AUTS2: variants seen among roughly 807,000 people sequenced by gnomAD.
AUTS2 encodes the protein activator of transcription and developmental regulator AUTS2.
A neutral mutation model predicts 112.4 loss-of-function variants in AUTS2; 17 were observed. That is an observed-to-expected ratio of 0.15 (90% CI 0.10 to 0.23). The LOEUF (loss-of-function observed/expected upper bound fraction) is 0.23. Ranked by LOEUF, AUTS2 falls within the 10% of genes least tolerant of loss-of-function variation. AUTS2 has a pLI of 1.00. For missense variants in AUTS2, 1,510 were observed against 1,701.6 expected, an observed-to-expected ratio of 0.89 and a Z score of 1.98; for synonymous variants, 751 against 702.7, an observed-to-expected ratio of 1.07 and a Z score of -1.09.
intron 5 of AUTS2, among the ~76,000 whole-genome samples, chr7:70,678,398 T>C: frequency 6.6e-6 from 1 of 152,192 alleles, no homozygotes. Flanking sequence ...CTTCCAAATA[T>C]TGCCTTGCCC....
intron 4 of AUTS2, among the ~76,000 whole-genome samples, chr7:70,363,568 T>C (rs2129627787): frequency 6.6e-6 from 1 of 152,090 alleles, no homozygotes; most frequent in South Asian, 2.1e-4. Context: ...TAAATTAAGA[T>C]ATTTATGCAG....
chr7:70,323,217 T>G (rs1161604188), intron 4 of AUTS2, among the ~76,000 whole-genome samples: 1 of 152,210 alleles, frequency 6.6e-6, no homozygotes, highest in Non-Finnish European at 1.5e-5. Context: ...CAGTTAGCAT[T>G]CGCTCAAAAC....
At chr7:70,111,143 T>C (rs1294119099) in intron 2 of AUTS2, among the ~76,000 whole-genome samples, 1 of 152,020 alleles carries the variant, frequency 6.6e-6, no homozygotes, top group African/African-American at 2.4e-5. Context: ...CCTCCCAAAG[T>C]ACTGGGATTA....
intron 2 of AUTS2, among the ~76,000 whole-genome samples, chr7:69,921,304 T>G (rs542072083): frequency 6.6e-6 from 1 of 151,256 alleles, no homozygotes; most frequent in African/African-American, 2.4e-5. Flanking sequence ...GTATGTCTTC[T>G]GGTTTTAGTA....
intron 1 of AUTS2, among the ~76,000 whole-genome samples, chr7:69,826,590 G>C (rs1791257071): frequency 6.6e-6 from 1 of 152,162 alleles, no homozygotes; most frequent in Non-Finnish European, 1.5e-5. Flanking sequence ...TGCCTCTGTA[G>C]AGCACAGTTG....
chr7:70,519,805 C>G (rs950115607), intron 5 of AUTS2, among the ~76,000 whole-genome samples: 2 of 152,120 alleles, frequency 1.3e-5, no homozygotes, highest in African/African-American at 4.8e-5. Flanking sequence ...TTAATATGAG[C>G]AGCTTCTACT....
intron 1 of AUTS2, among the ~76,000 whole-genome samples, chr7:69,695,757 C>T (rs1311334332): frequency 6.6e-6 from 1 of 152,088 alleles, no homozygotes; most frequent in Non-Finnish European, 1.5e-5. Context: ...CCTCCCACAA[C>T]TGCAGGAATA....
chr7:70,053,544 G>GTTCTTTTTTTTTTTTT, intron 2 of AUTS2, among the ~76,000 whole-genome samples: 1 of 127,848 alleles, frequency 7.8e-6, no homozygotes, highest in Non-Finnish European at 1.6e-5. Context: ...GTTTTGGGTG[G>GTTCTTTTTTTTTTTTT]TTTTTTTTTT....
intron 5 of AUTS2, among the ~76,000 whole-genome samples, chr7:70,447,748 C>T (rs1290649713): frequency 1.3e-5 from 2 of 152,192 alleles, no homozygotes; most frequent in Non-Finnish European, 2.9e-5. Context: ...AGTATTTTAT[C>T]ACTTTCTGTT....
At chr7:70,573,654 G>C (rs1585318914) in intron 5 of AUTS2, among the ~76,000 whole-genome samples, 1 of 152,166 alleles carries the variant, frequency 6.6e-6, no homozygotes, top group South Asian at 2.1e-4. Flanking sequence ...TTCATATTGG[G>C]ATAATCATTT....
chr7:70,299,134 A>C (rs1448594399), intron 4 of AUTS2, among the ~76,000 whole-genome samples: 1 of 152,226 alleles, frequency 6.6e-6, no homozygotes, highest in African/African-American at 2.4e-5. Context: ...TCTTTTCCAA[A>C]TAAAGATTGC....
At chr7:70,132,262 A>C (rs1042873490) in intron 3 of AUTS2, among the ~76,000 whole-genome samples, 1 of 151,922 alleles carries the variant, frequency 6.6e-6, no homozygotes, top group Non-Finnish European at 1.5e-5. Flanking sequence ...ATGCTGAAAC[A>C]AATTCCAGTG....
At chr7:70,723,201 C>T (rs905314911) in intron 6 of AUTS2, among the ~76,000 whole-genome samples, 3 of 152,306 alleles carry the variant, frequency 2.0e-5, no homozygotes, top group South Asian at 4.1e-4. Flanking sequence ...TCTTAGTTTA[C>T]ACACATGTTC....
intron 1 of AUTS2, among the ~76,000 whole-genome samples, chr7:69,687,253 G>A (rs1237014664): frequency 6.6e-6 from 1 of 152,196 alleles, no homozygotes; most frequent in Non-Finnish European, 1.5e-5. Context: ...TATTTAAAAA[G>A]CAGGAATAGC....
chr7:70,044,552 G>A (rs1801415910), intron 2 of AUTS2, among the ~76,000 whole-genome samples: 1 of 152,114 alleles, frequency 6.6e-6, no homozygotes, highest in South Asian at 2.1e-4. Flanking sequence ...CTACTCTTAA[G>A]TGGGAGAAAA....
intron 1 of AUTS2, among the ~76,000 whole-genome samples, chr7:69,619,591 A>G (rs1793559500): frequency 2.6e-5 from 4 of 152,298 alleles, no homozygotes; most frequent in Admixed American, 1.3e-4. Flanking sequence ...CCGTGACTGT[A>G]CCCTCTTTCA....
chr7:70,788,999 GCTCT>G (rs372534166), intron 18 of AUTS2, among the ~76,000 whole-genome samples: 1 of 152,210 alleles, frequency 6.6e-6, no homozygotes, highest in Non-Finnish European at 1.5e-5. Flanking sequence ...ACTCACAGCT[GCTCT>G]CTAAAATTGT....
intron 2 of AUTS2, among the ~76,000 whole-genome samples, chr7:70,035,080 A>G (rs1012432740): frequency 2.3e-4 from 35 of 152,200 alleles, no homozygotes; most frequent in African/African-American, 8.0e-4. Context: ...TGTAGCATTC[A>G]ACAATTCTCT....
intron 4 of AUTS2, among the ~76,000 whole-genome samples, chr7:70,208,011 CAA>C (rs61267230): frequency 2.1e-4 from 10 of 48,030 alleles, no homozygotes; most frequent in East Asian, 1.2e-3. Flanking sequence ...AACTCCATCT[CAA>C]AAAAAAAAAA....
Sources: gnomAD v4.1 joint callset for allele counts (sites outside exome capture counted in the v4.1 genomes callset) on GRCh38, gnomAD v4.1.1 for gene constraint, MANE v1.5 for transcripts, NCBI Gene and HGNC (gene_info 2026-07-23, HGNC 2026-07-21) for gene names.